Variants in CDH18 observed in about 807,000 individuals in gnomAD.
CDH18 encodes the protein cadherin-18.
In CDH18, 31 loss-of-function variants were observed where a neutral mutation model predicts 67.9. The ratio of observed to expected loss-of-function variants is 0.46; its 90% CI spans 0.34 to 0.62. The LOEUF (loss-of-function observed/expected upper bound fraction) is 0.62. CDH18 is among the 20% of genes least tolerant of loss of function. The probability of loss-of-function intolerance (pLI) is 0.01; values close to 1 mark genes in which losing one functional copy is unlikely to be tolerated. For missense variants in CDH18, 890 were observed against 975.5 expected (o/e 0.91, Z 1.17); for synonymous variants, 362 against 347.2 (o/e 1.04, Z -0.48).
chr5:20,426,279 T>C (rs1391672025), intron 1 of CDH18, among the ~76,000 whole-genome samples: 1 of 151,168 alleles, frequency 6.6e-6, no homozygotes, highest in Non-Finnish European at 1.5e-5. Context: ...TTTGGTGATA[T>C]GCAATGCATG....
intron 2 of CDH18, among the ~76,000 whole-genome samples, chr5:20,102,827 A>G (rs1343512358): frequency 6.6e-6 from 1 of 152,214 alleles, no homozygotes; most frequent in Non-Finnish European, 1.5e-5. Context: ...AGCTGAAAAA[A>G]AAATAAAGGA....
chr5:19,948,154 T>A (rs13172484), intron 2 of CDH18, among the ~76,000 whole-genome samples: 2 of 151,976 alleles, frequency 1.3e-5, no homozygotes, highest in African/African-American at 4.8e-5. Context: ...ATCATTCATG[T>A]GTTACTGGTA....
chr5:20,228,059 A>G (rs1280846601), intron 2 of CDH18, among the ~76,000 whole-genome samples: 4 of 152,076 alleles, frequency 2.6e-5, no homozygotes, highest in African/African-American at 9.7e-5. Context: ...TTACTTTTCT[A>G]TCATATGACA....
At chr5:19,723,651 AT>A (rs1233600016) in intron 4 of CDH18, among the ~76,000 whole-genome samples, 1 of 152,204 alleles carries the variant, frequency 6.6e-6, no homozygotes, top group Non-Finnish European at 1.5e-5. Flanking sequence ...GCAATTTCTT[AT>A]AAAACTAAAC....
intron 1 of CDH18, among the ~76,000 whole-genome samples, chr5:20,443,345 T>G (rs1487499814): frequency 6.6e-6 from 1 of 151,846 alleles, no homozygotes; most frequent in East Asian, 1.9e-4. Context: ...TAAAACTATG[T>G]TTGGTATCCC....
intron 5 of CDH18, among the ~76,000 whole-genome samples, chr5:19,629,632 A>G (rs1752106744): frequency 1.3e-5 from 2 of 152,194 alleles, no homozygotes; most frequent in South Asian, 4.1e-4. Flanking sequence ...TAAAACAATC[A>G]AAGACTGGAT....
chr5:20,260,062 C>G (rs1033385110), intron 1 of CDH18, among the ~76,000 whole-genome samples: 2 of 151,872 alleles, frequency 1.3e-5, no homozygotes, highest in African/African-American at 4.8e-5. Flanking sequence ...ACACTAAGTT[C>G]CTTTCCATAA....
intron 3 of CDH18, among the ~76,000 whole-genome samples, chr5:19,804,581 A>C (rs1777843568): frequency 6.6e-6 from 1 of 152,184 alleles, no homozygotes; most frequent in South Asian, 2.1e-4. Context: ...ATATAAGCTC[A>C]GAAATTACTT....
intron 2 of CDH18, chr5:19,886,257 G>C (rs1010540668): frequency 1.3e-5 from 2 of 152,052 alleles, no homozygotes; most frequent in Non-Finnish European, 2.9e-5. Context: ...TACATTAGAT[G>C]ACTGCAGTAC....
chr5:20,370,281 T>A (rs575586947), intron 1 of CDH18, among the ~76,000 whole-genome samples: 2 of 146,372 alleles, frequency 1.4e-5, no homozygotes, highest in South Asian at 4.2e-4. Flanking sequence ...CATCATCATA[T>A]ATAACAAGTC....
At chr5:20,553,208 G>A (rs549351822) in intron 1 of CDH18, among the ~76,000 whole-genome samples, 2 of 152,154 alleles carry the variant, frequency 1.3e-5, no homozygotes, top group Admixed American at 6.5e-5. Flanking sequence ...AATTCATACG[G>A]TGATTTGAAA....
chr5:19,894,506 T>A (rs1789100044), intron 2 of CDH18, among the ~76,000 whole-genome samples: 1 of 152,028 alleles, frequency 6.6e-6, no homozygotes, highest in South Asian at 2.1e-4. Context: ...AAAAAATATT[T>A]CTAAATTCAT....
intron 2 of CDH18, among the ~76,000 whole-genome samples, chr5:20,195,866 T>C (rs1310318435): frequency 6.6e-6 from 1 of 152,142 alleles, no homozygotes; most frequent in East Asian, 1.9e-4. Context: ...ACTTAATCAC[T>C]TAATGGAAAG....
intron 2 of CDH18, among the ~76,000 whole-genome samples, chr5:20,151,417 C>G (rs1751092791): frequency 6.6e-6 from 1 of 152,036 alleles, no homozygotes; most frequent in African/African-American, 2.4e-5. Context: ...TATTCCATGT[C>G]TTTGCTATTG....
intron 5 of CDH18, among the ~76,000 whole-genome samples, chr5:19,682,211 T>C (rs968066265): frequency 6.6e-6 from 1 of 152,104 alleles, no homozygotes; most frequent in Non-Finnish European, 1.5e-5. Flanking sequence ...ACAGGCACAC[T>C]AGAGGGGGAA....
At chr5:20,557,755 T>C (rs1757981749) in intron 1 of CDH18, among the ~76,000 whole-genome samples, 1 of 151,112 alleles carries the variant, frequency 6.6e-6, no homozygotes, top group East Asian at 1.9e-4. Flanking sequence ...GAGAAATTTC[T>C]ATTACTAAGG....
At chr5:20,274,318 A>T (rs114423998) in intron 1 of CDH18, among the ~76,000 whole-genome samples, 1,709 of 152,280 alleles carry the variant, frequency 0.011, 33 homozygotes, top group African/African-American at 0.039. Flanking sequence ...TATAAAGTAC[A>T]CGCAGCATGG....
intron 1 of CDH18, among the ~76,000 whole-genome samples, chr5:20,501,188 C>T (rs968058501): frequency 1.3e-5 from 2 of 151,814 alleles, no homozygotes; most frequent in African/African-American, 2.4e-5. Context: ...ACATGATTTT[C>T]AAGATCTTCC....
At chr5:20,488,681 A>T (rs1394281446) in intron 1 of CDH18, among the ~76,000 whole-genome samples, 1 of 111,242 alleles carries the variant, frequency 9.0e-6, no homozygotes. Flanking sequence ...TTTTATATAT[A>T]TATATATATA....
Sources: gnomAD v4.1 joint callset for allele counts (sites outside exome capture counted in the v4.1 genomes callset) on GRCh38, gnomAD v4.1.1 for gene constraint, MANE v1.5 for transcripts, NCBI Gene and HGNC (gene_info 2026-07-23, HGNC 2026-07-21) for gene names.